The following DAB1 variants were observed in gnomAD, a reference collection of about 807,000 sequenced individuals.
DAB1 encodes the protein DAB adaptor protein 1.
In DAB1, 15 loss-of-function variants were observed where a neutral mutation model predicts 64.6. That is an observed-to-expected ratio of 0.23 (90% CI 0.16 to 0.36). The LOEUF (loss-of-function observed/expected upper bound fraction) is 0.36. DAB1 is among the 10% of genes least tolerant of loss of function. The probability of loss-of-function intolerance (pLI) is 1.00; values close to 1 mark genes in which losing one functional copy is unlikely to be tolerated. For synonymous variants in DAB1, 235 were observed against 251.9 expected, an observed-to-expected ratio of 0.93 and a Z score of 0.64; for missense variants, 596 against 706.7, an observed-to-expected ratio of 0.84 and a Z score of 1.78.
chr1:58,404,935 TC>T (rs957413532), intron 3 of DAB1, among the ~76,000 whole-genome samples: 1 of 152,134 alleles, frequency 6.6e-6, no homozygotes, highest in African/African-American at 2.4e-5. Flanking sequence ...ACAGTAATCT[TC>T]CAATTGGGCT....
intron 5 of DAB1, among the ~76,000 whole-genome samples, chr1:57,903,203 G>T (rs1352630120): frequency 6.6e-6 from 1 of 152,140 alleles, no homozygotes; most frequent in Admixed American, 6.5e-5. Context: ...TTCAAGATGA[G>T]ATTTGGGTGG....
At chr1:58,141,070 T>A (rs1230637859) in intron 5 of DAB1, among the ~76,000 whole-genome samples, 1 of 152,176 alleles carries the variant, frequency 6.6e-6, no homozygotes, top group Non-Finnish European at 1.5e-5. Flanking sequence ...AGGGAGCTTT[T>A]ACTCATAGAG....
intron 7 of DAB1, among the ~76,000 whole-genome samples, chr1:57,553,458 A>AAGAAAGAAAGAAAGAG (rs1458260279): frequency 1.1e-3 from 146 of 132,198 alleles, no homozygotes; most frequent in African/African-American, 2.5e-3. Context: ...GAAAGAAAGA[A>AAGAAAGAAAGAAAGAG]AGAGAAAGGG....
At chr1:58,276,533 G>C (rs1382927759) in intron 4 of DAB1, among the ~76,000 whole-genome samples, 1 of 152,108 alleles carries the variant, frequency 6.6e-6, no homozygotes, top group African/African-American at 2.4e-5. Flanking sequence ...TAAAGCATAT[G>C]GGGGAGTAGT....
chr1:57,284,197 A>T (rs1463432858), intron 2 of DAB1, among the ~76,000 whole-genome samples: 2 of 152,218 alleles, frequency 1.3e-5, no homozygotes, highest in African/African-American at 4.8e-5. Context: ...GGGAATGAAT[A>T]AAAGCAGCAA....
chr1:58,104,180 G>A (rs767639334), intron 5 of DAB1, among the ~76,000 whole-genome samples: 4 of 152,180 alleles, frequency 2.6e-5, no homozygotes, highest in Admixed American at 6.5e-5. Context: ...CCTCCCCACC[G>A]GGTGGTGAAG....
chr1:57,617,255 C>T (rs923998791), intron 7 of DAB1, among the ~76,000 whole-genome samples: 24 of 152,068 alleles, frequency 1.6e-4, no homozygotes, highest in Non-Finnish European at 3.4e-4. Context: ...TTCCCATCCC[C>T]ACATCCATAG....
chr1:58,296,197 GAAAGAA>G (rs775349938), intron 4 of DAB1, among the ~76,000 whole-genome samples: 1 of 43,626 alleles, frequency 2.3e-5, no homozygotes, highest in Non-Finnish European at 4.6e-5. Flanking sequence ...GAAAGAAAGA[GAAAGAA>G]AGAAAGAAAG....
chr1:58,096,819 T>A (rs560577268), intron 5 of DAB1, among the ~76,000 whole-genome samples: 1 of 152,248 alleles, frequency 6.6e-6, no homozygotes. Flanking sequence ...GATTCACATG[T>A]GTTAACTGCA....
intron 4 of DAB1, among the ~76,000 whole-genome samples, chr1:58,258,996 C>G (rs1254124245): frequency 6.6e-6 from 1 of 152,154 alleles, no homozygotes; most frequent in East Asian, 1.9e-4. Context: ...GCTTAACTTT[C>G]CTGAGCTGTG....
chr1:57,738,264 C>T (rs2101785417), intron 6 of DAB1, among the ~76,000 whole-genome samples: 1 of 152,220 alleles, frequency 6.6e-6, no homozygotes, highest in African/African-American at 2.4e-5. Flanking sequence ...AAAGTCAAAG[C>T]TAGTAATAAT....
At chr1:58,034,439 A>G (rs1168156764) in intron 5 of DAB1, among the ~76,000 whole-genome samples, 1 of 152,222 alleles carries the variant, frequency 6.6e-6, no homozygotes, top group Admixed American at 6.5e-5. Context: ...TTCACTCCAG[A>G]TTCCTGACTT....
At chr1:57,511,217 A>G (rs896228303) in intron 7 of DAB1, among the ~76,000 whole-genome samples, 4 of 152,110 alleles carry the variant, frequency 2.6e-5, no homozygotes, top group African/African-American at 9.7e-5. Flanking sequence ...CATGCATGAA[A>G]CCTATCCTGT....
intron 6 of DAB1, among the ~76,000 whole-genome samples, chr1:57,770,538 G>A (rs1486253345): frequency 6.6e-6 from 1 of 152,092 alleles, no homozygotes; most frequent in African/African-American, 2.4e-5. Flanking sequence ...GCAGGCATGA[G>A]CCTTCATGCC....
At chr1:57,931,319 T>C (rs1432616522) in intron 5 of DAB1, among the ~76,000 whole-genome samples, 1 of 152,180 alleles carries the variant, frequency 6.6e-6, no homozygotes, top group Non-Finnish European at 1.5e-5. Context: ...TAGTTTTCTT[T>C]TCTTGTAATC....
At chr1:58,115,001 C>T (rs1362689039) in intron 5 of DAB1, among the ~76,000 whole-genome samples, 4 of 151,628 alleles carry the variant, frequency 2.6e-5, no homozygotes, top group Non-Finnish European at 5.9e-5. Flanking sequence ...TCTAATTAAA[C>T]TAAAGAGCTT....
At position 57,047,549 on chromosome 1, in the gene DAB1, A is replaced by G. The variant is rs550969299; in HGVS notation, c.723+15335T>C. Among the ~76,000 whole-genome samples, 4 of 152,302 alleles carry G rather than the reference A, an allele frequency of 2.6e-5. No homozygotes were observed. In the South Asian group the frequency reaches 8.3e-4, roughly 32 times the overall value. ...CTCTGAGGAAGGGCCGCATGAGGAC[A>G]TAAGGAGAAGTTGGTGGTCTACAAC... On this transcript the variant is annotated intron_variant, in intron 9 of 14. Coordinates refer to ENST00000371236, the MANE Select transcript of DAB1 (RefSeq NM_001365792.1).
intron 5 of DAB1, among the ~76,000 whole-genome samples, chr1:58,041,940 G>C (rs551620457): frequency 2.6e-5 from 4 of 152,350 alleles, no homozygotes; most frequent in African/African-American, 9.6e-5. Flanking sequence ...CTCAGTTTAA[G>C]TGTCTGCATG....
At chr1:58,277,142 C>T (rs920831449) in intron 4 of DAB1, among the ~76,000 whole-genome samples, 1 of 148,940 alleles carries the variant, frequency 6.7e-6, no homozygotes, top group Non-Finnish European at 1.5e-5. Flanking sequence ...CGGGTTCAAG[C>T]GATTCTCTTG....
Sources: allele counts gnomAD v4.1 joint callset (sites outside exome capture counted in the v4.1 genomes callset), GRCh38; gene constraint gnomAD v4.1.1; transcripts MANE v1.5; gene names NCBI Gene and HGNC (gene_info 2026-07-23, HGNC 2026-07-21).